RABGAP1: variants seen among roughly 807,000 people sequenced by gnomAD.
RABGAP1 encodes the protein rab GTPase-activating protein 1.
RABGAP1 carries 23 observed loss-of-function variants against 137.6 expected under a neutral mutation model. The observed-to-expected ratio is 0.17, with a 90% CI of 0.12 to 0.24. The LOEUF is 0.24. Among genes scored for constraint, RABGAP1 ranks in the 10% least tolerant of loss-of-function variants. The probability of loss-of-function intolerance (pLI) is 1.00; values close to 1 mark genes in which losing one functional copy is unlikely to be tolerated. For synonymous variants in RABGAP1, 451 were observed against 450.7 expected (o/e 1.00, Z -0.01); for missense variants, 906 against 1,275.8 (o/e 0.71, Z 4.42).
At chr9:123,053,120 C>G (rs1230909118) in intron 13 of RABGAP1, among the ~76,000 whole-genome samples, 1 of 152,114 alleles carries the variant, frequency 6.6e-6, no homozygotes, top group Non-Finnish European at 1.5e-5. Flanking sequence ...AAAGACAAAG[C>G]TATTAAGAGA....
chr9:122,968,931 A>G (rs767431026), intron 2 of RABGAP1, among the ~76,000 whole-genome samples: 46 of 152,160 alleles, frequency 3.0e-4, no homozygotes, highest in Non-Finnish European at 6.0e-4. Context: ...TTTTAAATGT[A>G]CAATTAAACC....
At chr9:123,041,705 C>G (rs1375585814) in intron 13 of RABGAP1, among the ~76,000 whole-genome samples, 1 of 152,214 alleles carries the variant, frequency 6.6e-6, no homozygotes, top group South Asian at 2.1e-4. Flanking sequence ...ACTGACTCAG[C>G]GGAATCAACA....
Position 122,996,089 on chromosome 9 carries a change from A to G in RABGAP1, c.972A>G (p.Gly324=). ...KDRQCFKLRQ[G]IDKKIVIYVQ... ...GACAGTGCTTTAAACTACGCCAAGG[A>G]ATTGATAAGAAGATTGTCATCTATG... The change falls in exon 7 of 26, where the codon GGA becomes GGG. Residue 324 remains glycine, a synonymous_variant. Transcript: ENST00000373647. 6.2e-7 allele frequency: 1 copy of G among 1,613,650 alleles called. No homozygotes were observed. The highest frequency in any genetic ancestry group is 8.5e-7 in the Non-Finnish European group (1 of 1,179,886).
intron 6 of RABGAP1, among the ~76,000 whole-genome samples, chr9:122,995,175 ATCAC>A (rs1836950569): frequency 6.6e-6 from 1 of 152,166 alleles, no homozygotes; most frequent in South Asian, 2.1e-4. Flanking sequence ...TATTAACCTT[ATCAC>A]TAGTTAGTAT....
At chr9:122,978,413 A>G (rs1260617892) in intron 2 of RABGAP1, among the ~76,000 whole-genome samples, 2 of 152,128 alleles carry the variant, frequency 1.3e-5, no homozygotes, top group Non-Finnish European at 2.9e-5. Context: ...CTTTTTATTA[A>G]TCTACTCACC....
intron 4 of RABGAP1, among the ~76,000 whole-genome samples, chr9:122,986,926 G>A (rs1380628498): frequency 6.6e-6 from 1 of 152,010 alleles, no homozygotes; most frequent in African/African-American, 2.4e-5. Flanking sequence ...TCAGGGGTTC[G>A]AGACCAGCCT....
chr9:123,058,017 C>T (rs1479154614), intron 13 of RABGAP1, among the ~76,000 whole-genome samples: 1 of 147,072 alleles, frequency 6.8e-6, no homozygotes, highest in African/African-American at 2.5e-5. Flanking sequence ...AGTCCAGCCT[C>T]GGCTCGGCAT....
intron 2 of RABGAP1, among the ~76,000 whole-genome samples, chr9:122,980,185 A>G (rs1588206802): frequency 6.6e-6 from 1 of 152,262 alleles, no homozygotes; most frequent in Admixed American, 6.5e-5. Flanking sequence ...TAAGGCCTGC[A>G]AAGCCTAAAA....
the RABGAP1 span, among the ~76,000 whole-genome samples, chr9:122,933,866 G>A: frequency 2.6e-5 from 4 of 151,546 alleles, no homozygotes; most frequent in African/African-American, 7.3e-5. Flanking sequence ...CTCCCACCTC[G>A]GCCTCCCAAA....
chr9:123,053,706 C>T (rs2033582333), intron 13 of RABGAP1, among the ~76,000 whole-genome samples: 2 of 152,142 alleles, frequency 1.3e-5, no homozygotes, highest in African/African-American at 2.4e-5. Context: ...AATAAAGCAT[C>T]TGTAACATTC....
chr9:123,011,472 C>T (rs1346776431), intron 11 of RABGAP1, among the ~76,000 whole-genome samples: 1 of 151,870 alleles, frequency 6.6e-6, no homozygotes, highest in Non-Finnish European at 1.5e-5. Flanking sequence ...AGAGTGAGCA[C>T]TGACTTTCTT....
chr9:123,077,205 A>C (rs2034542714), intron 19 of RABGAP1, among the ~76,000 whole-genome samples: 2 of 149,844 alleles, frequency 1.3e-5, no homozygotes. Flanking sequence ...GCTAGAGTGC[A>C]GTGGCACAAT....
rs1452332304 is a variant in RABGAP1 at position 123,076,229 on chromosome 9, G to A, written c.2254-16G>A. ...TATAAAAACTGACAGTGTTCTTTTT[G>A]TCTGTTCTCTTTCAGGGAATAAGTG... On this transcript the variant is annotated splice_polypyrimidine_tract_variant and intron_variant, in intron 17 of 25. Coordinates refer to ENST00000373647, the MANE Select transcript of RABGAP1 (RefSeq NM_012197.4). 2 of 1,606,906 alleles carry A rather than the reference G, an allele frequency of 1.2e-6. No homozygotes were observed. Among genetic ancestry groups the A allele is most frequent in the African/African-American group, 1.3e-5 (1 of 74,520 alleles).
At chr9:123,013,905 A>G (rs989839916) in intron 11 of RABGAP1, among the ~76,000 whole-genome samples, 2 of 152,222 alleles carry the variant, frequency 1.3e-5, no homozygotes, top group African/African-American at 4.8e-5. Context: ...AATAAAAACA[A>G]ACAAAATCTA....
At chr9:123,091,344 C>T (rs1351160316) in intron 21 of RABGAP1, among the ~76,000 whole-genome samples, 1 of 152,156 alleles carries the variant, frequency 6.6e-6, no homozygotes, top group Non-Finnish European at 1.5e-5. Context: ...CCACCAGAAG[C>T]TTACAAAAAT....
In RABGAP1 at chr9:122,999,622, T is replaced by C. The variant is rs1564391720; in HGVS notation, c.1374+856T>C. 2.6e-5 allele frequency among the ~76,000 whole-genome samples: 4 copies of C among 152,174 alleles called. No homozygotes were observed. In the South Asian group the frequency reaches 8.3e-4, roughly 31 times the overall value. On this transcript the variant is annotated intron_variant, in intron 10 of 25. Coordinates refer to ENST00000373647, the MANE Select transcript of RABGAP1 (RefSeq NM_012197.4). ...GGTTTTCAGATGTTTAACTGTGACATGATTAGGTACGGTTTTCTTTCCGTT... is the reference window on the plus strand; with the variant it reads ...GGTTTTCAGATGTTTAACTGTGACACGATTAGGTACGGTTTTCTTTCCGTT...
chr9:123,059,092 A>T (rs2033863319), intron 13 of RABGAP1, among the ~76,000 whole-genome samples: 1 of 152,364 alleles, frequency 6.6e-6, no homozygotes, highest in Admixed American at 6.5e-5. Context: ...CTCCTCCTGT[A>T]TACATAGTAA....
intron 10 of RABGAP1, among the ~76,000 whole-genome samples, chr9:123,005,289 T>A (rs79974557): frequency 7.9e-5 from 1 of 12,632 alleles, no homozygotes; most frequent in Admixed American, 6.4e-4. Flanking sequence ...GGGCTTGGGA[T>A]TTTTTTTTTT....
At chr9:122,972,214 A>C (rs935388450) in intron 2 of RABGAP1, among the ~76,000 whole-genome samples, 2 of 152,154 alleles carry the variant, frequency 1.3e-5, no homozygotes, top group African/African-American at 4.8e-5. Context: ...GGATCACTGG[A>C]GCCCAGGAGT....
Sources: gnomAD v4.1 joint callset for allele counts (sites outside exome capture counted in the v4.1 genomes callset) on GRCh38, gnomAD v4.1.1 for gene constraint, MANE v1.5 for transcripts, NCBI Gene and HGNC (gene_info 2026-07-23, HGNC 2026-07-21) for gene names.